NRXN3: variants seen among roughly 807,000 people sequenced by gnomAD.
NRXN3 encodes the protein neurexin III.
NRXN3 carries 32 observed loss-of-function variants against 137.6 expected under a neutral mutation model. The observed-to-expected ratio is 0.23, with a 90% CI of 0.18 to 0.31. NRXN3 has a LOEUF of 0.31. NRXN3 is among the 10% of genes least tolerant of loss of function. NRXN3 has a pLI of 1.00. For synonymous variants in NRXN3, 798 were observed against 784.5 expected (o/e 1.02, Z -0.29); for missense variants, 1,574 against 2,062.5 (o/e 0.76, Z 4.59).
intron 15 of NRXN3, among the ~76,000 whole-genome samples, chr14:79,260,125 T>A (rs1663774227): frequency 6.6e-6 from 1 of 152,210 alleles, no homozygotes; most frequent in Admixed American, 6.5e-5. Flanking sequence ...ATATTTTTGA[T>A]ATGTACAAAT....
chr14:79,034,743 A>G (rs1231535137), intron 15 of NRXN3, among the ~76,000 whole-genome samples: 1 of 152,126 alleles, frequency 6.6e-6, no homozygotes, highest in Non-Finnish European at 1.5e-5. Flanking sequence ...CTGAGAGTTT[A>G]AAACAATAAT....
At chr14:78,928,627 A>T (rs2099312942) in intron 10 of NRXN3, among the ~76,000 whole-genome samples, 1 of 152,152 alleles carries the variant, frequency 6.6e-6, no homozygotes, top group African/African-American at 2.4e-5. Context: ...AAAGGACATG[A>T]ACTCATCCTT....
intron 15 of NRXN3, among the ~76,000 whole-genome samples, chr14:79,152,644 C>T (rs1222155426): frequency 6.6e-6 from 1 of 151,912 alleles, no homozygotes; most frequent in Admixed American, 6.6e-5. Flanking sequence ...TGTAGGGGAA[C>T]TGCTGTTTAT....
chr14:79,117,469 C>G, intron 15 of NRXN3, among the ~76,000 whole-genome samples: 1 of 152,022 alleles, frequency 6.6e-6, no homozygotes, highest in South Asian at 2.1e-4. Flanking sequence ...TGTTCTGGAT[C>G]CTAGATACTT....
intron 10 of NRXN3, among the ~76,000 whole-genome samples, chr14:78,886,995 A>C (rs1372352363): frequency 6.6e-6 from 1 of 152,100 alleles, no homozygotes; most frequent in East Asian, 1.9e-4. Context: ...GAGTTTCAAG[A>C]GTTTTCCTGT....
intron 10 of NRXN3, among the ~76,000 whole-genome samples, chr14:78,883,065 A>G (rs1008641082): frequency 6.6e-6 from 1 of 152,102 alleles, no homozygotes; most frequent in Non-Finnish European, 1.5e-5. Flanking sequence ...GAAGAAGGAC[A>G]TGTTTGCTTC....
chr14:78,849,992 G>A (rs1229835853), intron 10 of NRXN3, among the ~76,000 whole-genome samples: 1 of 152,156 alleles, frequency 6.6e-6, no homozygotes, highest in Non-Finnish European at 1.5e-5. Flanking sequence ...TACCACATAT[G>A]GAGAAGGGAT....
chr14:79,053,724 A>G (rs2099646424), intron 15 of NRXN3, among the ~76,000 whole-genome samples: 1 of 152,000 alleles, frequency 6.6e-6, no homozygotes, highest in African/African-American at 2.4e-5. Context: ...AAGGGAAAAG[A>G]GGGTGAAAGT....
chr14:78,940,142 A>G (rs1193009002), intron 10 of NRXN3, among the ~76,000 whole-genome samples: 3 of 152,138 alleles, frequency 2.0e-5, no homozygotes, highest in Non-Finnish European at 4.4e-5. Context: ...AATGCCCTCC[A>G]CTACCCTACG....
intron 15 of NRXN3, among the ~76,000 whole-genome samples, chr14:79,332,388 C>T (rs2091817411): frequency 6.6e-6 from 1 of 152,142 alleles, no homozygotes; most frequent in South Asian, 2.1e-4. Context: ...CTACAACTCA[C>T]CAGTATGCAC....
chr14:79,736,284 G>GGTGA (rs1333591365), intron 19 of NRXN3, among the ~76,000 whole-genome samples: 1 of 152,048 alleles, frequency 6.6e-6, no homozygotes, highest in African/African-American at 2.4e-5. Flanking sequence ...TACTTATAAG[G>GGTGA]GTGAGTTTCC....
At position 78,772,697 on chromosome 14, in the gene NRXN3, C is replaced by T. The variant is rs2098732341; in HGVS notation, c.2045-30923C>T. Reference sequence around the variant, plus strand: ...CTGATTCACTAGGTCTGGGGTGGGGCCTGGGATTCTGCATTTCTAGCAAGC... The same window carrying T: ...CTGATTCACTAGGTCTGGGGTGGGGTCTGGGATTCTGCATTTCTAGCAAGC... On this transcript the variant is annotated intron_variant, in intron 8 of 20. Transcript: ENST00000335750. Among the ~76,000 whole-genome samples the T allele has an allele frequency of 3.3e-5, 5 of 152,052 alleles. No homozygotes were observed. The South Asian group carries it at 1.0e-3, about 32-fold the overall frequency.
intron 8 of NRXN3, among the ~76,000 whole-genome samples, chr14:78,733,313 T>A (rs2098525718): frequency 6.6e-6 from 1 of 152,122 alleles, no homozygotes; most frequent in Non-Finnish European, 1.5e-5. Flanking sequence ...AGTCTTTGCA[T>A]CCAAAACTTG....
chr14:78,931,869 G>A (rs894140643), intron 10 of NRXN3, among the ~76,000 whole-genome samples: 3 of 152,128 alleles, frequency 2.0e-5, no homozygotes, highest in Non-Finnish European at 4.4e-5. Context: ...AAGGAAGGCT[G>A]GGCGCGGTGG....
At chr14:78,542,121 CG>C (rs1254720908) in intron 4 of NRXN3, among the ~76,000 whole-genome samples, 1 of 152,196 alleles carries the variant, frequency 6.6e-6, no homozygotes, top group Admixed American at 6.5e-5. Flanking sequence ...TTAGGCTACA[CG>C]GGGGTCAGGG....
At chr14:78,699,843 T>G (rs1217789846) in intron 6 of NRXN3, among the ~76,000 whole-genome samples, 4 of 152,152 alleles carry the variant, frequency 2.6e-5, no homozygotes, top group Non-Finnish European at 5.9e-5. Context: ...ATGCAGGAAA[T>G]GAGAGTGTGT....
At chr14:79,748,136 T>C (rs1331828372) in intron 19 of NRXN3, among the ~76,000 whole-genome samples, 11 of 152,042 alleles carry the variant, frequency 7.2e-5, no homozygotes. Flanking sequence ...CAAATCACCA[T>C]GGCACTTGTT....
At chr14:78,262,550 C>G (rs889887351) in intron 2 of NRXN3, among the ~76,000 whole-genome samples, 3 of 152,124 alleles carry the variant, frequency 2.0e-5, no homozygotes, top group Admixed American at 1.3e-4. Flanking sequence ...CCGTGTGGCT[C>G]CCACCCATAG....
rs112044123 is a variant in NRXN3, at chr14:79,333,548, C to T, written c.3263-133673C>T. Among the ~76,000 whole-genome samples, 1,268 of 152,136 alleles carry T rather than the reference C, an allele frequency of 8.3e-3. 14 individuals carry two copies. Among genetic ancestry groups the T allele is most frequent in the African/African-American group, 0.029 (1,199 of 41,476 alleles). ...CTTCTTCCCACCATTGGAGAAGGGC[C>T]GCTGAAGCCTGGGATAATGAGTCCT... On this transcript the variant is annotated intron_variant, in intron 15 of 20. Transcript: ENST00000335750.
Sources: allele counts gnomAD v4.1 joint callset (sites outside exome capture counted in the v4.1 genomes callset), GRCh38; gene constraint gnomAD v4.1.1; transcripts MANE v1.5; gene names NCBI Gene and HGNC (gene_info 2026-07-23, HGNC 2026-07-21).